Variants in PASK observed in about 807,000 individuals in gnomAD.
PASK encodes PAS domain-containing serine/threonine-protein kinase.
Under a neutral mutation model 121.0 loss-of-function variants are expected in PASK, and 110 were observed. The ratio of observed to expected loss-of-function variants is 0.91; its 90% CI spans 0.78 to 1.06. The LOEUF is 1.06. Among genes scored for constraint, PASK ranks in the 50% least tolerant of loss-of-function variants. The probability of loss-of-function intolerance (pLI) is 0.00; values close to 1 mark genes in which losing one functional copy is unlikely to be tolerated. For synonymous variants in PASK, 686 were observed against 717.8 expected (o/e 0.96, Z 0.71); for missense variants, 1,643 against 1,702.3 (o/e 0.97, Z 0.61).
At chr2:241,117,746 T>C (rs1357598195) in intron 12 of PASK, among the ~76,000 whole-genome samples, 2 of 152,184 alleles carry the variant, frequency 1.3e-5, no homozygotes, top group Non-Finnish European at 2.9e-5. Context: ...TTACAACAGA[T>C]ACAGGTCTAA....
In PASK at chr2:241,122,718, C is replaced by G. The variant is rs6710783; in HGVS notation, c.3072+14G>C. 53 of 1,613,520 alleles carry G rather than the reference C, an allele frequency of 3.3e-5. No homozygotes were observed. The highest frequency in any genetic ancestry group is 2.8e-4 in the Admixed American group (17 of 60,024). The stretch of plus-strand genomic sequence containing the variant: ...GTGGTGCCCGGCGCCACTCCCCCCC[C>G]ACAGCCAGGTTACCTCCTTGTTTTT... On this transcript the variant is annotated intron_variant, in intron 12 of 17. Coordinates refer to ENST00000234040, the MANE Select transcript of PASK (RefSeq NM_015148.4).
intron 10 of PASK, 33 bp from the exon 11 acceptor site, chr2:241,124,166 T>C (rs2065751160): frequency 3.2e-6 from 5 of 1,583,754 alleles, no homozygotes; most frequent in African/African-American, 1.3e-5. Flanking sequence ...CGCACAGGCC[T>C]GTGCTGACCT....
At chr2:241,135,060 C>T (rs373046016) in intron 8 of PASK, among the ~76,000 whole-genome samples, 1 of 152,336 alleles carries the variant, frequency 6.6e-6, no homozygotes, top group African/African-American at 2.4e-5. Flanking sequence ...AGGACATCAG[C>T]GGGTTCTACT....
In PASK at chr2:241,112,239, C is replaced by T. The variant is rs140030739; in HGVS notation, c.3533+1G>A. On this transcript the variant is annotated splice_donor_variant, in intron 15 of 17. Coordinates refer to ENST00000234040, the MANE Select transcript of PASK (RefSeq NM_015148.4). LOFTEE classifies it high-confidence loss of function. This position sits in a 1 kb window ranked among gnomAD's most constrained non-coding sequence, Gnocchi z 5.2. ...GGGCCGCACCGCAGCCGCATACGTA[C>T]GGATTCCCCATGAGAACTTCCGGTG... 2,817 of 1,611,034 alleles carry T rather than the reference C, an allele frequency of 1.7e-3. 2 individuals are homozygous for T. The highest frequency in any genetic ancestry group is 2.2e-3 in the Non-Finnish European group (2,556 of 1,177,268).
At position 241,138,657 on chromosome 2, in the gene PASK, G is replaced by A. The variant is rs777722887; in HGVS notation, c.738C>T (p.Ser246=). The A allele has an allele frequency of 3.1e-6, 5 of 1,613,952 alleles. No individual in the cohort carries two copies. The highest frequency in any genetic ancestry group is 2.2e-5 in the East Asian group (1 of 44,886). Residue 246 remains serine, a synonymous_variant, in exon 5 of 18, where the codon AGC becomes AGT. Transcript: ENST00000234040. ...ERVSTWVAFQ[S]DGTVTSCDSL... ...TGAGGCAAAGTTGCACACTCACATC[G>A]CTCTGGAAAGCGACCCAGGTCGAGA...
intron 9 of PASK, chr2:241,127,701 A>C (rs6745561): frequency 1 from 502,108 of 502,120 alleles, 251,048 homozygotes; most frequent in Middle Eastern, 1. Context: ...AGTACAGGAG[A>C]ACTTGCCAAT....
chr2:241,137,751 AG>A (rs2066507074), intron 6 of PASK, among the ~76,000 whole-genome samples: 1 of 150,206 alleles, frequency 6.7e-6, no homozygotes, highest in Non-Finnish European at 1.5e-5. Context: ...GAGAAGACTC[AG>A]GGGACAAGAG....
chr2:241,133,437 G>C (rs2066263030), intron 8 of PASK: 1 of 313,322 alleles, frequency 3.2e-6, no homozygotes, highest in Non-Finnish European at 6.2e-6. Context: ...CATGGCTCCT[G>C]ATCCCAGAAA....
At position 241,137,250 on chromosome 2, in the gene PASK, CTGAATCT is replaced by C. The variant is rs1270520341; in HGVS notation, c.884_890del (p.Lys295ArgfsTer15). On this transcript the variant is annotated frameshift_variant, in exon 7 of 18. Transcript: ENST00000234040. LOFTEE classifies it high-confidence loss of function. ...CGTCCCTGGCTCTTCCAACAGACCT[CTGAATCT>C]TGAGATTCTGAAAGAAAGGCTTGTC... 6.2e-7 allele frequency: 1 copy of C among 1,613,700 alleles called. No individual in the cohort carries two copies. The highest frequency in any genetic ancestry group is 8.5e-7 in the Non-Finnish European group (1 of 1,179,582).
chr2:241,140,384 C>CT, intron 3 of PASK, 137 bp downstream of exon 3: 2 of 744,432 alleles, frequency 2.7e-6, no homozygotes, highest in Non-Finnish European at 4.8e-6. Context: ...TCTTGAACTC[C>CT]TGGGCTCAAG....
At chr2:241,118,844 C>A in intron 12 of PASK, 1 of 774,654 alleles carries the variant, frequency 1.3e-6, no homozygotes, top group East Asian at 7.4e-5. Context: ...ACACCCCGCA[C>A]CCGGTGGAGG....
Position 241,137,938 on chromosome 2 carries a change from G to A in PASK, c.876+15C>T. The A allele has an allele frequency of 1.2e-6, 2 of 1,613,930 alleles. No individual in the cohort carries two copies. The highest frequency in any genetic ancestry group is 1.7e-5 in the Admixed American group (1 of 60,030). Reference sequence around the variant, plus strand: ...CTCCACCCCATCACACAGTGCGGGAGGTCAGGAGCCCTACCTTTGGGATGT... The same window carrying A: ...CTCCACCCCATCACACAGTGCGGGAAGTCAGGAGCCCTACCTTTGGGATGT... On this transcript the variant is annotated intron_variant, in intron 6 of 17. Transcript: ENST00000234040.
chr2:241,109,178 A>T (rs180952863), intron 15 of PASK: 9 of 153,040 alleles, frequency 5.9e-5, no homozygotes, highest in Non-Finnish European at 1.3e-4. Flanking sequence ...GCTACCATCT[A>T]TTGGGTACCT....
chr2:241,115,991 CA>C (rs1486891173), intron 12 of PASK, among the ~76,000 whole-genome samples: 2 of 132,010 alleles, frequency 1.5e-5, no homozygotes, highest in Non-Finnish European at 3.1e-5. Flanking sequence ...CCCATTACAC[CA>C]GGGGCCACCA....
At chr2:241,130,468 G>A (rs772741008) in intron 9 of PASK, among the ~76,000 whole-genome samples, 3 of 152,184 alleles carry the variant, frequency 2.0e-5, no homozygotes, top group Non-Finnish European at 4.4e-5. Flanking sequence ...CCCAGACAAC[G>A]GGAGCACTGG....
intron 1 of PASK, among the ~76,000 whole-genome samples, chr2:241,143,356 CCTGA>C (rs2066802572): frequency 6.6e-6 from 1 of 152,058 alleles, no homozygotes; most frequent in Non-Finnish European, 1.5e-5. Context: ...TCGAGACCAT[CCTGA>C]CTAACACTGT....
In PASK at chr2:241,124,120, C is replaced by T. The variant is rs79117928; in HGVS notation, c.2733G>A (p.Glu911=). Reference sequence around the variant, plus strand: ...GGCCCTGGAGCTCCACCCGCCTCACCTCAAACTGTATACCTGAAGGGTGAG... The same window carrying T: ...GGCCCTGGAGCTCCACCCGCCTCACTTCAAACTGTATACCTGAAGGGTGAG... ...RDGLRLSIQF[E]VRRVELQGPT... is the part of the protein sequence containing the mutation. The change falls in exon 11 of 18, where the codon GAG becomes GAA. Residue 911 remains glutamate, a synonymous_variant. Transcript: ENST00000234040. The T allele has an allele frequency of 2.2e-4, 355 of 1,613,980 alleles. 1 individual carries two copies. In the African/African-American group the frequency reaches 4.3e-3, roughly 20 times the overall value.
intron 1 of PASK, among the ~76,000 whole-genome samples, chr2:241,147,356 T>C (rs908044002): frequency 2.0e-5 from 3 of 152,174 alleles, no homozygotes; most frequent in African/African-American, 7.2e-5. Flanking sequence ...AAAACTATTT[T>C]AAAAAGTCAT....
Position 241,142,841 on chromosome 2 carries a change from G to A in PASK, c.192C>T (p.Leu64=), listed in dbSNP as rs1306635595. ...LSRLCQSRTA[L]SEDRWSSYCL... is the part of the protein sequence containing the mutation. ...GCAGTGGTCGAAGGTCATTACCAGA[G>A]AGCGCTGTCCTGCTCTGGCAGAGTC... The change falls in exon 2 of 18, where the codon CTC becomes CTT. Residue 64 remains leucine (L), a synonymous_variant. Transcript: ENST00000234040. 6.2e-7 allele frequency: 1 copy of A among 1,611,500 alleles called. No individual in the cohort carries two copies. The highest frequency in any genetic ancestry group is 8.5e-7 in the Non-Finnish European group (1 of 1,178,312).
Sources: gnomAD v4.1 joint callset for allele counts (sites outside exome capture counted in the v4.1 genomes callset) on GRCh38, gnomAD v4.1.1 for gene constraint, Gnocchi (gnomAD v3.1) non-coding constraint, MANE v1.5 for transcripts, NCBI Gene and HGNC (gene_info 2026-07-23, HGNC 2026-07-21) for gene names.